The following LYPD6B variants were observed in gnomAD, a reference collection of about 807,000 sequenced individuals.
The protein encoded by LYPD6B is ly6/PLAUR domain-containing protein 6B.
In LYPD6B, 17 loss-of-function variants were observed where a neutral mutation model predicts 22.8. The observed-to-expected ratio is 0.75, with a 90% confidence interval of 0.51 to 1.12. The LOEUF (loss-of-function observed/expected upper bound fraction) is 1.12, where lower values mean the gene tolerates loss of function less well. Among genes scored for constraint, LYPD6B ranks in the 50% most tolerant of loss-of-function variants. The pLI is 0.00. For missense variants in LYPD6B, 221 were observed against 258.3 expected, an observed-to-expected ratio of 0.86 and a Z score of 0.99; for synonymous variants, 106 against 91.6, an observed-to-expected ratio of 1.16 and a Z score of -0.90.
chr2:149,146,384 A>G (rs1043434434), intron 2 of LYPD6B, among the ~76,000 whole-genome samples: 9 of 152,132 alleles, frequency 5.9e-5, no homozygotes, highest in Non-Finnish European at 4.4e-5. Flanking sequence ...GGGGGATGCC[A>G]TATCCAGAGG....
At chr2:149,191,612 G>T (rs1692493986) in intron 3 of LYPD6B, among the ~76,000 whole-genome samples, 1 of 152,246 alleles carries the variant, frequency 6.6e-6, no homozygotes, top group South Asian at 2.1e-4. Context: ...ATTAGGACTA[G>T]TCATTCTCCA....
rs749693207 is a variant in LYPD6B, at chr2:149,205,443, G to A, written c.229+39G>A. 3.7e-6 allele frequency: 6 copies of A among 1,600,524 alleles called. No homozygotes were observed. The African/African-American group carries it at 4.0e-5, about 11-fold the overall frequency. On this transcript the variant is annotated intron_variant, in intron 4 of 6. Coordinates refer to ENST00000409642, the MANE Select transcript of LYPD6B (RefSeq NM_177964.5). ...GTTGCCATCCTAGTTCATGGCTGTG[G>A]GGCCAGAGTGTTAATATGAAGCCCC...
intron 2 of LYPD6B, among the ~76,000 whole-genome samples, chr2:149,132,426 G>T (rs1165317312): frequency 6.6e-6 from 1 of 151,894 alleles, no homozygotes; most frequent in Non-Finnish European, 1.5e-5. Context: ...TGATTGCTTA[G>T]GCCCTTTCTC....
chr2:149,068,378 T>C (rs1397619251), intron 1 of LYPD6B, among the ~76,000 whole-genome samples: 3 of 152,166 alleles, frequency 2.0e-5, no homozygotes, highest in Non-Finnish European at 4.4e-5. Flanking sequence ...AGGAACACAG[T>C]TCAGAAACTA....
At chr2:149,115,061 C>A (rs1686936291) in intron 1 of LYPD6B, among the ~76,000 whole-genome samples, 1 of 152,174 alleles carries the variant, frequency 6.6e-6, no homozygotes, top group Non-Finnish European at 1.5e-5. Flanking sequence ...GCCTCAGCCT[C>A]CCAAGCGTCT....
chr2:149,149,888 T>G (rs1408181692), intron 2 of LYPD6B, among the ~76,000 whole-genome samples: 1 of 152,226 alleles, frequency 6.6e-6, no homozygotes, highest in Non-Finnish European at 1.5e-5. Flanking sequence ...ACCACCTTCC[T>G]TTATTGTTGT....
intron 3 of LYPD6B, among the ~76,000 whole-genome samples, chr2:149,166,268 A>G (rs552535508): frequency 1.3e-5 from 2 of 152,288 alleles, no homozygotes; most frequent in South Asian, 4.1e-4. Flanking sequence ...GTTGAACTCA[A>G]TTAAGTCCAG....
chr2:149,061,766 A>G (rs1182046940), intron 1 of LYPD6B, among the ~76,000 whole-genome samples: 1 of 152,198 alleles, frequency 6.6e-6, no homozygotes, highest in African/African-American at 2.4e-5. Flanking sequence ...AAATGGGGAC[A>G]GGCAAGACAT....
intron 1 of LYPD6B, among the ~76,000 whole-genome samples, chr2:149,123,736 C>G (rs1359483167): frequency 6.6e-6 from 1 of 152,098 alleles, no homozygotes; most frequent in African/African-American, 2.4e-5. Flanking sequence ...GTGGCACGCA[C>G]CCCCAGCTAC....
At chr2:149,188,201 A>G (rs1692248508) in intron 3 of LYPD6B, among the ~76,000 whole-genome samples, 1 of 149,870 alleles carries the variant, frequency 6.7e-6, no homozygotes, top group African/African-American at 2.4e-5. Context: ...CTGATTATAA[A>G]CATTATTTTC....
intron 1 of LYPD6B, among the ~76,000 whole-genome samples, chr2:149,130,643 A>T (rs899809180): frequency 2.6e-5 from 4 of 152,184 alleles, no homozygotes; most frequent in African/African-American, 9.7e-5. Flanking sequence ...TCTTGCAGAC[A>T]CTAAAAATGT....
chr2:149,135,892 C>T (rs7594794), intron 2 of LYPD6B, among the ~76,000 whole-genome samples: 36,625 of 151,954 alleles, frequency 0.24, 5,693 homozygotes, highest in East Asian at 0.54. Context: ...TTCCTTGATT[C>T]TCCCTGCCAT....
intron 1 of LYPD6B, among the ~76,000 whole-genome samples, chr2:149,096,048 G>A (rs549482712): frequency 1.3e-5 from 2 of 152,022 alleles, no homozygotes; most frequent in Non-Finnish European, 2.9e-5. Flanking sequence ...CACGGAGAGA[G>A]ACAGAGACAC....
intron 2 of LYPD6B, chr2:149,143,939 G>A (rs369166330): frequency 6.6e-6 from 1 of 152,182 alleles, no homozygotes; most frequent in South Asian, 2.1e-4. Context: ...GGACAGCCAC[G>A]GCACTCAGCA....
chr2:149,205,681 G>A (rs1693466985), intron 4 of LYPD6B, among the ~76,000 whole-genome samples: 3 of 152,268 alleles, frequency 2.0e-5, no homozygotes, highest in South Asian at 2.1e-4. Flanking sequence ...GCATAGTAGA[G>A]GAAATTCATT....
At chr2:149,180,209 C>T (rs1258760488) in intron 3 of LYPD6B, among the ~76,000 whole-genome samples, 2 of 152,068 alleles carry the variant, frequency 1.3e-5, no homozygotes, top group African/African-American at 2.4e-5. Flanking sequence ...TTTTAGGATT[C>T]GAATACAAAA....
intron 1 of LYPD6B, chr2:149,077,634 C>G (rs1684936816): frequency 6.6e-6 from 1 of 152,082 alleles, no homozygotes; most frequent in African/African-American, 2.4e-5. Context: ...GTATCTTGTT[C>G]TTTAAAATTA....
At chr2:149,184,149 G>A (rs913707143) in intron 3 of LYPD6B, among the ~76,000 whole-genome samples, 29 of 151,420 alleles carry the variant, frequency 1.9e-4, no homozygotes, top group African/African-American at 6.3e-4. Flanking sequence ...CCAAGATTGA[G>A]CCATTGCACT....
intron 2 of LYPD6B, among the ~76,000 whole-genome samples, chr2:149,150,650 G>T (rs970516597): frequency 6.6e-6 from 1 of 152,140 alleles, no homozygotes; most frequent in East Asian, 1.9e-4. Context: ...TCACAATAAT[G>T]TACATGTATT....
Sources: gnomAD v4.1 joint callset for allele counts (sites outside exome capture counted in the v4.1 genomes callset) on GRCh38, gnomAD v4.1.1 for gene constraint, MANE v1.5 for transcripts, NCBI Gene and HGNC (gene_info 2026-07-23, HGNC 2026-07-21) for gene names.